Variants in ADIPOR2 observed in about 807,000 individuals in gnomAD.
The protein encoded by ADIPOR2 is adiponectin receptor protein 2.
In ADIPOR2, 18 loss-of-function variants were observed where a neutral mutation model predicts 40.9. The ratio of observed to expected loss-of-function variants is 0.44; its 90% CI spans 0.30 to 0.65. The LOEUF (loss-of-function observed/expected upper bound fraction) is 0.65. Ranked by LOEUF, ADIPOR2 falls within the 30% of genes least tolerant of loss-of-function variation. ADIPOR2 has a pLI of 0.09. For synonymous variants in ADIPOR2, 165 were observed against 166.4 expected, an observed-to-expected ratio of 0.99 and a Z score of 0.06; for missense variants, 283 against 479.2, an observed-to-expected ratio of 0.59 and a Z score of 3.82.
intron 1 of ADIPOR2, among the ~76,000 whole-genome samples, chr12:1,726,730 T>C (rs1048630539): frequency 1.3e-5 from 2 of 152,200 alleles, no homozygotes; most frequent in Non-Finnish European, 2.9e-5. Context: ...TCACTTTTTA[T>C]GCTAGTAATA....
At chr12:1,740,473 G>A (rs976703571) in intron 1 of ADIPOR2, among the ~76,000 whole-genome samples, 1 of 151,504 alleles carries the variant, frequency 6.6e-6, no homozygotes, top group South Asian at 2.1e-4. Context: ...TTCTTACAAG[G>A]ACATCAGTCA....
chr12:1,691,903 A>T (rs541919113), intron 1 of ADIPOR2, among the ~76,000 whole-genome samples: 1 of 152,152 alleles, frequency 6.6e-6, no homozygotes, highest in Admixed American at 6.5e-5. Context: ...TGACAACTTC[A>T]TAAGATGGTC....
intron 1 of ADIPOR2, among the ~76,000 whole-genome samples, chr12:1,726,504 G>T (rs1565638979): frequency 6.6e-6 from 1 of 152,074 alleles, no homozygotes; most frequent in African/African-American, 2.4e-5. Context: ...GGCTGAGTTG[G>T]GATTTTTTAA....
intron 2 of ADIPOR2, among the ~76,000 whole-genome samples, chr12:1,756,626 A>G (rs1245567269): frequency 6.6e-6 from 1 of 152,106 alleles, no homozygotes; most frequent in African/African-American, 2.4e-5. Context: ...GCACGTGGGC[A>G]GCTTTTGGGG....
chr12:1,759,898 ACCTATAAT>A (rs1376588299), intron 2 of ADIPOR2, among the ~76,000 whole-genome samples: 4 of 151,998 alleles, frequency 2.6e-5, no homozygotes, highest in African/African-American at 4.8e-5. Flanking sequence ...GGTGGCAGGC[ACCTATAAT>A]CCCGGCTACT....
chr12:1,750,348 C>A (rs2094766344), intron 1 of ADIPOR2, among the ~76,000 whole-genome samples: 1 of 149,890 alleles, frequency 6.7e-6, no homozygotes, highest in Non-Finnish European at 1.5e-5. Context: ...CACTTGAGTT[C>A]AGGAGTTCAA....
At chr12:1,710,044 G>A (rs1244192258) in intron 1 of ADIPOR2, among the ~76,000 whole-genome samples, 1 of 152,218 alleles carries the variant, frequency 6.6e-6, no homozygotes, top group African/African-American at 2.4e-5. Context: ...TAAATGAGAG[G>A]ATTGTAAAAT....
At chr12:1,780,041 G>A (rs763709630) in intron 4 of ADIPOR2, 5 of 154,898 alleles carry the variant, frequency 3.2e-5, no homozygotes, top group Middle Eastern at 3.3e-3. Flanking sequence ...TAGGGGTATT[G>A]GAATTCATTG....
chr12:1,734,043 A>G (rs1470671306), intron 1 of ADIPOR2, among the ~76,000 whole-genome samples: 1 of 152,152 alleles, frequency 6.6e-6, no homozygotes, highest in Non-Finnish European at 1.5e-5. Flanking sequence ...AGTCTTTGCT[A>G]TTATGAATAG....
At position 1,787,105 on chromosome 12, in the gene ADIPOR2, C is replaced by G. The variant is rs573570870; in HGVS notation, c.*1033C>G. 46 of 152,304 alleles carry G rather than the reference C, an allele frequency of 3.0e-4. No individual in the cohort carries two copies. The highest frequency in any genetic ancestry group is 1.1e-3 in the African/African-American group (46 of 41,550). 9.4% of individuals were successfully genotyped at this position (152,304 alleles called of 1,614,324 possible). A position where few individuals can be genotyped will look rare whatever the true frequency, so the allele number is the denominator to read the frequency against. On this transcript the variant is annotated 3_prime_UTR_variant, in exon 8 of 8. Coordinates refer to ENST00000357103, the MANE Select transcript of ADIPOR2 (RefSeq NM_024551.3). ...ATCCTTGCTGTGGAGCTCTGGAACA[C>G]TCTCTAAATTTCCCTCTATTAAAAA...
intron 1 of ADIPOR2, among the ~76,000 whole-genome samples, chr12:1,691,604 T>G (rs957560519): frequency 6.6e-6 from 1 of 152,170 alleles, no homozygotes; most frequent in Non-Finnish European, 1.5e-5. Context: ...CTTCTAGGAA[T>G]TTGTTTGGTG....
rs989899279 is a variant in ADIPOR2 at position 1,787,649 on chromosome 12, C to CTCCATTATATCCTGGGGT, written c.*1579_*1596dup. On this transcript the variant is annotated 3_prime_UTR_variant, in exon 8 of 8. Transcript: ENST00000357103. ...TACTGTCATCAAAGACTTGGGATGA[C>CTCCATTATATCCTGGGGT]TCCATTATATCCTGGGGTTGTGGGT... The CTCCATTATATCCTGGGGT allele has an allele frequency of 1.3e-5, 2 of 152,190 alleles. No homozygotes were observed. The highest frequency in any genetic ancestry group is 6.5e-5 in the Admixed American group (1 of 15,284). The allele number at this position is 152,190 out of a possible 1,614,324, so 9.4% of individuals were successfully genotyped here.
At chr12:1,751,740 G>A (rs963615184) in intron 1 of ADIPOR2, among the ~76,000 whole-genome samples, 7 of 151,344 alleles carry the variant, frequency 4.6e-5, no homozygotes, top group Admixed American at 1.3e-4. Flanking sequence ...AGCTGGTTTC[G>A]AACTGCTGGG....
At chr12:1,761,977 A>C (rs766973993) in intron 2 of ADIPOR2, among the ~76,000 whole-genome samples, 2 of 152,190 alleles carry the variant, frequency 1.3e-5, no homozygotes, top group Non-Finnish European at 2.9e-5. Flanking sequence ...ATCCTGCGTG[A>C]TCTCACTGCT....
chr12:1,729,513 C>G (rs2094715142), intron 1 of ADIPOR2, among the ~76,000 whole-genome samples: 1 of 150,000 alleles, frequency 6.7e-6, no homozygotes, highest in African/African-American at 2.4e-5. Context: ...GGGTCTTACT[C>G]TATTGCCCAG....
chr12:1,748,111 C>A (rs886278752), intron 1 of ADIPOR2, among the ~76,000 whole-genome samples: 1 of 152,052 alleles, frequency 6.6e-6, no homozygotes, highest in Admixed American at 6.6e-5. Flanking sequence ...TGAGCCCCCC[C>A]ACCCTTTATT....
chr12:1,719,486 A>G (rs1328733887), intron 1 of ADIPOR2, among the ~76,000 whole-genome samples: 1 of 152,212 alleles, frequency 6.6e-6, no homozygotes, highest in Non-Finnish European at 1.5e-5. Context: ...ATGAACATGG[A>G]TAAGTTAATT....
Position 1,783,882 on chromosome 12 carries a change from G to C in ADIPOR2, c.841G>C (p.Val281Leu). The C allele has an allele frequency of 6.3e-7, 1 of 1,597,592 alleles. No individual in the cohort carries two copies. Among genetic ancestry groups the C allele is most frequent in the Non-Finnish European group, 8.5e-7 (1 of 1,171,346 alleles). The change falls in exon 7 of 8, where the codon GTG (valine) becomes CTG (leucine). Residue 281 changes from valine to leucine, a missense_variant and splice_region_variant. Val to Leu is a conservative substitution (Grantham distance 32, BLOSUM62 1). Coordinates refer to ENST00000357103, the MANE Select transcript of ADIPOR2 (RefSeq NM_024551.3). ...TPQYRGVRAG[V>L]FLGLGLSGII... The stretch of plus-strand genomic sequence containing the variant: ...TACTCTCTTCTTGTGACTCCTAGGA[G>C]TGTTTTTGGGCCTAGGCCTGAGTGG...
At chr12:1,726,396 C>G (rs1035781818) in intron 1 of ADIPOR2, among the ~76,000 whole-genome samples, 3 of 152,258 alleles carry the variant, frequency 2.0e-5, no homozygotes, top group Non-Finnish European at 4.4e-5. Context: ...CGGGGTTTCA[C>G]CATCTTGGCC....
Sources: allele counts gnomAD v4.1 joint callset (sites outside exome capture counted in the v4.1 genomes callset), GRCh38; gene constraint gnomAD v4.1.1; transcripts MANE v1.5; gene names NCBI Gene and HGNC (gene_info 2026-07-23, HGNC 2026-07-21).